Variants in MIF4GD observed in about 807,000 individuals in gnomAD.
MIF4GD encodes MIF4G domain containing, also known as MIF4G domain-containing protein.
A neutral mutation model predicts 26.7 loss-of-function variants in MIF4GD; 22 were observed. The ratio of observed to expected loss-of-function variants is 0.82; its 90% CI spans 0.59 to 1.18. MIF4GD has a LOEUF of 1.18. Among genes scored for constraint, MIF4GD ranks in the 50% most tolerant of loss-of-function variants. MIF4GD has a pLI of 0.00. For missense variants in MIF4GD, 262 were observed against 279.6 expected (o/e 0.94, Z 0.45); for synonymous variants, 137 against 111.6 (o/e 1.23, Z -1.43).
rs1363932180 is a variant in MIF4GD, at chr17:75,270,211, GT to G, written c.-17del. On this transcript the variant is annotated 5_prime_UTR_variant, in exon 2 of 6. Coordinates refer to ENST00000325102, the MANE Select transcript of MIF4GD (RefSeq NM_001370592.1). This position sits in a 1 kb window ranked among gnomAD's most constrained non-coding sequence, Gnocchi z 5.7. The stretch of plus-strand genomic sequence containing the variant: ...GCTCCCCCATGACTAGCCAGCCCCG[GT>G]AGCTCTTGACTGGGCTGGGAATAAG... The G allele has an allele frequency of 3.7e-6, 6 of 1,608,112 alleles. No individual in the cohort carries two copies. The South Asian group carries it at 6.6e-5, about 18-fold the overall frequency.
chr17:75,267,386 C>A, intron 5 of MIF4GD, 152 bp downstream of exon 5: 1 of 721,010 alleles, frequency 1.4e-6, no homozygotes, highest in South Asian at 1.8e-5. Flanking sequence ...GCAGCTTGTC[C>A]TATAACTGAC....
intron 5 of MIF4GD, 103 bp downstream of exon 5, chr17:75,267,435 C>G: frequency 8.6e-7 from 1 of 1,160,560 alleles, no homozygotes; most frequent in Non-Finnish European, 1.3e-6. Flanking sequence ...CCAGAAGTGA[C>G]ACAGTCCTCA....
At position 75,270,139 on chromosome 17, in the gene MIF4GD, C is replaced by T; in HGVS notation, c.57G>A (p.Gln19=). 2 of 1,614,114 alleles carry T rather than the reference C, an allele frequency of 1.2e-6. No individual in the cohort carries two copies. Among genetic ancestry groups the T allele is most frequent in the African/African-American group, 2.7e-5 (2 of 75,058 alleles). The stretch of plus-strand genomic sequence containing the variant: ...CTTTGAGTGCTGTCTTCAGCAGCTG[C>T]TGGGTCTCTGCATCAAAGGACTGGA... ...YKIQSFDAET[Q]QLLKTALKDP... The change falls in exon 2 of 6, where the codon CAG becomes CAA. Residue 19 remains glutamine, a synonymous_variant. Transcript: ENST00000325102. The surrounding 1 kb of genome is among the most constrained non-coding windows in gnomAD (Gnocchi z 5.7).
At position 75,266,730 on chromosome 17, in the gene MIF4GD, A is replaced by G; in HGVS notation, c.*10T>C. The G allele has an allele frequency of 1.2e-6, 2 of 1,613,828 alleles. No individual in the cohort carries two copies. Among genetic ancestry groups the G allele is most frequent in the Non-Finnish European group, 1.7e-6 (2 of 1,179,690 alleles). ...GGCCAGTGCTGGTGAGGAAGCCCTG[A>G]TCTGGAGGCCTAGTCGGAGACTTCG... On this transcript the variant is annotated 3_prime_UTR_variant, in exon 6 of 6. Transcript: ENST00000325102.
At chr17:75,267,467 CTGACACA>C in intron 5 of MIF4GD, 64 bp downstream of exon 5, 1 of 1,473,154 alleles carries the variant, frequency 6.8e-7, no homozygotes, top group South Asian at 1.2e-5. Context: ...GAGCAGTGGG[CTGACACA>C]CGGCTGAGCT....
intron 2 of MIF4GD, chr17:75,269,409 C>A: frequency 6.2e-7 from 1 of 1,614,158 alleles, no homozygotes; most frequent in Non-Finnish European, 8.5e-7. Context: ...GCTCCTCTGG[C>A]AAACGGAATA....
chr17:75,267,195 T>TCTTCAAACCA (rs1567820751), intron 5 of MIF4GD, among the ~76,000 whole-genome samples: 3 of 151,716 alleles, frequency 2.0e-5, no homozygotes, highest in South Asian at 2.1e-4. Flanking sequence ...CCAAACCACT[T>TCTTCAAACCA]CTTCATCCCA....
At chr17:75,269,743 T>TC in intron 2 of MIF4GD, among the ~76,000 whole-genome samples, 1 of 87,260 alleles carries the variant, frequency 1.1e-5, no homozygotes, top group African/African-American at 3.6e-5. Context: ...TTTTCTTTCT[T>TC]TTTTTTTTTT....
At position 75,271,209 on chromosome 17, in the gene MIF4GD, T is replaced by C. The variant is rs1300587033; in HGVS notation, c.-116A>G. On this transcript the variant is annotated 5_prime_UTR_variant, in exon 1 of 6. Coordinates refer to ENST00000325102, the MANE Select transcript of MIF4GD (RefSeq NM_001370592.1). The surrounding 1 kb of genome is among the most constrained non-coding windows in gnomAD (Gnocchi z 4.2). ...GGCGCCTGGGAGCGCGCAACCAGCG[T>C]CCGGCGCTGCGGGGCCCGCCGTGAG... The C allele has an allele frequency of 1.3e-5, 2 of 149,296 alleles. No individual in the cohort carries two copies. Among genetic ancestry groups the C allele is most frequent in the Non-Finnish European group, 3.0e-5 (2 of 66,990 alleles). 9.2% of individuals were successfully genotyped at this position (149,296 alleles called of 1,614,324 possible). A position where few individuals can be genotyped will look rare whatever the true frequency, so the allele number is the denominator to read the frequency against.
intron 2 of MIF4GD, among the ~76,000 whole-genome samples, chr17:75,269,789 G>A (rs926048619): frequency 3.0e-5 from 4 of 135,076 alleles, no homozygotes; most frequent in Non-Finnish European, 6.2e-5. Flanking sequence ...ATGTTTCCGG[G>A]ACTGGTCTTG....
At chr17:75,267,933 G>A in intron 3 of MIF4GD, 32 bp from the exon 4 acceptor site, 1 of 1,603,952 alleles carries the variant, frequency 6.2e-7, no homozygotes. Context: ...GTGAAGGGTG[G>A]GGGGCGGTGC....
rs2077489510 is a variant in MIF4GD, at chr17:75,266,546, G to A, written c.*194C>T. 3.2e-6 allele frequency: 2 copies of A among 619,184 alleles called. No homozygotes were observed. Among genetic ancestry groups the A allele is most frequent in the Non-Finnish European group, 5.7e-6 (2 of 351,028 alleles). 38.4% of individuals were successfully genotyped at this position (619,184 alleles called of 1,614,324 possible). A position where few individuals can be genotyped will look rare whatever the true frequency, so the allele number is the denominator to read the frequency against. ...TCTCTGCCTGGCCGTGGTGGGTTGT[G>A]GTGGGGAAAGGGGCTCAGGGCAGGA... is the stretch of plus-strand genomic sequence containing the variant. On this transcript the variant is annotated 3_prime_UTR_variant, in exon 6 of 6. Transcript: ENST00000325102.
intron 2 of MIF4GD, among the ~76,000 whole-genome samples, chr17:75,268,430 G>A (rs114062227): frequency 0.21 from 32,057 of 152,012 alleles, 3,584 homozygotes; most frequent in Middle Eastern, 0.28. Flanking sequence ...TTGGGAGACC[G>A]AGGTGGTTGG....
chr17:75,271,260 A>G (rs943699376), upstream of MIF4GD: 1 of 150,866 alleles, frequency 6.6e-6, no homozygotes, highest in Admixed American at 6.6e-5. The surrounding 1 kb of genome is among the most constrained non-coding windows in gnomAD (Gnocchi z 4.2). Context: ...GGCGCCGGGG[A>G]AGGGTCGGCT....
rs376727609 is a variant in MIF4GD at position 75,267,496 on chromosome 17, C to T, written c.441+42G>A. The T allele has an allele frequency of 2.6e-5, 42 of 1,596,682 alleles. No individual in the cohort carries two copies. The African/African-American group carries it at 4.8e-4, about 18-fold the overall frequency. Reference sequence around the variant, plus strand: ...CACACGGCTGAGCTGGACTGTCCATCCTGCAGCCTTCTGTGCTTGTGCCAG... The same window carrying T: ...CACACGGCTGAGCTGGACTGTCCATTCTGCAGCCTTCTGTGCTTGTGCCAG... On this transcript the variant is annotated intron_variant, in intron 5 of 5. Coordinates refer to ENST00000325102, the MANE Select transcript of MIF4GD (RefSeq NM_001370592.1).
Position 75,266,955 on chromosome 17 carries a change from C to T in MIF4GD, c.454G>A (p.Val152Met). The change falls in exon 6 of 6, where the codon GTG (valine) becomes ATG (methionine). Residue 152 changes from valine (V) to methionine (M), a missense_variant. Physicochemically the swap from Val to Met is conservative, Grantham distance 21 (BLOSUM62 1). Transcript: ENST00000325102. ...TCCCCAACCCGGTGCAGCTGCAGCA[C>T]CAAACAGTCCACCTGCAGGCGACAG... The part of the protein sequence containing the change: ...LSKEEEVDCL[V>M]LQLHRVGEQL... The T allele has an allele frequency of 6.2e-7, 1 of 1,613,704 alleles. No homozygotes were observed. Among genetic ancestry groups the T allele is most frequent in the Non-Finnish European group, 8.5e-7 (1 of 1,179,902 alleles).
intron 2 of MIF4GD, chr17:75,269,466 G>A (rs2077629884): frequency 3.1e-6 from 5 of 1,613,358 alleles, no homozygotes; most frequent in Middle Eastern, 1.6e-4. Context: ...TTCAAGAGAC[G>A]GGGCTATGGC....
At position 75,270,127 on chromosome 17, in the gene MIF4GD, C is replaced by T; in HGVS notation, c.69G>A (p.Lys23=). 6.2e-7 allele frequency: 1 copy of T among 1,614,058 alleles called. No individual in the cohort carries two copies. Among genetic ancestry groups the T allele is most frequent in the Non-Finnish European group, 8.5e-7 (1 of 1,179,960 alleles). Residue 23 remains lysine (K), a synonymous_variant, in exon 2 of 6, where the codon AAG becomes AAA. Coordinates refer to ENST00000325102, the MANE Select transcript of MIF4GD (RefSeq NM_001370592.1). The surrounding 1 kb of genome is among the most constrained non-coding windows in gnomAD (Gnocchi z 5.7). ...TCCCGTGCTCACCTTTGAGTGCTGT[C>T]TTCAGCAGCTGCTGGGTCTCTGCAT... ...SFDAETQQLL[K]TALKDPGAVD...
chr17:75,266,628 C>G lies in MIF4GD; in HGVS notation c.*112G>C. The G allele has an allele frequency of 1.0e-6, 1 of 957,444 alleles. No homozygotes were observed. The highest frequency in any genetic ancestry group is 1.4e-5 in the South Asian group (1 of 70,024). 59.3% of individuals were successfully genotyped at this position (957,444 alleles called of 1,614,324 possible). ...AGATGGGAAAGTCTAGAAGGGAAGA[C>G]ACTCAAAGTCTGGAAGGGAAAAGTC... On this transcript the variant is annotated 3_prime_UTR_variant, in exon 6 of 6. Coordinates refer to ENST00000325102, the MANE Select transcript of MIF4GD (RefSeq NM_001370592.1).
Sources: gnomAD v4.1 joint callset for allele counts (sites outside exome capture counted in the v4.1 genomes callset) on GRCh38, gnomAD v4.1.1 for gene constraint, Gnocchi (gnomAD v3.1) non-coding constraint, MANE v1.5 for transcripts, NCBI Gene and HGNC (gene_info 2026-07-23, HGNC 2026-07-21) for gene names.